SEMA4D: variants seen among roughly 807,000 people sequenced by gnomAD.
SEMA4D encodes semaphorin-4D.
SEMA4D carries 22 observed loss-of-function variants against 74.8 expected under a neutral mutation model. The ratio of observed to expected loss-of-function variants is 0.29; its 90% CI spans 0.21 to 0.42. The LOEUF (loss-of-function observed/expected upper bound fraction) is 0.42. Among genes scored for constraint, SEMA4D ranks in the 10% least tolerant of loss-of-function variants. The pLI is 1.00. For missense variants in SEMA4D, 937 were observed against 1,118.4 expected (o/e 0.84, Z 2.31); for synonymous variants, 445 against 463.7 (o/e 0.96, Z 0.52).
At chr9:89,369,969 GTA>G (rs1230320944) in intron 16 of SEMA4D, among the ~76,000 whole-genome samples, 1 of 151,844 alleles carries the variant, frequency 6.6e-6, no homozygotes, top group Non-Finnish European at 1.5e-5. Context: ...GGTGTGTGCA[GTA>G]TGTGTGGTGG....
chr9:89,396,632 A>T (rs1304050013), intron 6 of SEMA4D, 105 bp downstream of exon 6: 11 of 913,884 alleles, frequency 1.2e-5, no homozygotes, highest in Non-Finnish European at 1.8e-5. Context: ...AGAAAATCCT[A>T]TTTTTTTTTA....
intron 2 of SEMA4D, among the ~76,000 whole-genome samples, chr9:89,431,002 A>C (rs1295571857): frequency 6.6e-6 from 1 of 152,204 alleles, no homozygotes; most frequent in Non-Finnish European, 1.5e-5. Context: ...AAAAACAAAT[A>C]GGCACCCATC....
In SEMA4D at chr9:89,492,089, G is replaced by A. The variant is rs548273436; in HGVS notation, c.-310+5830C>T. 1.0e-3 allele frequency among the ~76,000 whole-genome samples: 159 copies of A among 152,166 alleles called. 1 individual carries two copies. Among genetic ancestry groups the A allele is most frequent in the African/African-American group, 3.6e-3 (148 of 41,496 alleles). ...CCTCCACTTCCCCACTGCCCTTCACGGCAGCAAAATTCTTGAAAAAGCAAT... is the reference window on the plus strand; with the variant it reads ...CCTCCACTTCCCCACTGCCCTTCACAGCAGCAAAATTCTTGAAAAAGCAAT... On this transcript the variant is annotated intron_variant, in intron 1 of 15. Coordinates refer to ENST00000422704, the MANE Select transcript of SEMA4D (RefSeq NM_001371194.2). This position sits in a 1 kb window ranked among gnomAD's most constrained non-coding sequence, Gnocchi z 4.3.
chr9:89,364,867 C>T (rs1305347512), intron 16 of SEMA4D: 1 of 149,896 alleles, frequency 6.7e-6, no homozygotes, highest in African/African-American at 2.5e-5. Context: ...TCTGCGCGGC[C>T]AACCCTGAGG....
In SEMA4D at chr9:89,379,526, G is replaced by T. The variant is rs1369617639; in HGVS notation, c.1767C>A (p.Phe589Leu). Reference sequence around the variant, plus strand: ...TCTCGGCCTTCAACACGCCATTCTGGAACTTCCAAAAGACCCGGGCCAGGT... The same window carrying T: ...TCTCGGCCTTCAACACGCCATTCTGTAACTTCCAAAAGACCCGGGCCAGGT... ...KSNLARVFWKFQNGVLKAESP... is the reference protein window; with the variant it reads ...KSNLARVFWKLQNGVLKAESP... The change falls in exon 16 of 16, where the codon TTC becomes TTA. Residue 589 changes from phenylalanine (F) to leucine (L), a missense_variant. Physicochemically the swap from Phe to Leu is conservative, Grantham distance 22. Transcript: ENST00000422704. The T allele has an allele frequency of 1.2e-6, 2 of 1,613,982 alleles. No homozygotes were observed. Among genetic ancestry groups the T allele is most frequent in the East Asian group, 4.5e-5 (2 of 44,900 alleles).
At chr9:89,373,764 T>C (rs1006320015), downstream of SEMA4D, among the ~76,000 whole-genome samples, 2 of 152,184 alleles carry the variant, frequency 1.3e-5, no homozygotes, top group Non-Finnish European at 2.9e-5. Context: ...GCCTGTGCCT[T>C]GAGTGCACTG....
intron 2 of SEMA4D, among the ~76,000 whole-genome samples, chr9:89,409,290 G>C (rs1228435017): frequency 6.6e-6 from 1 of 152,174 alleles, no homozygotes; most frequent in Non-Finnish European, 1.5e-5. Flanking sequence ...AGGGTTTTTA[G>C]GGCAGGGAAA....
chr9:89,431,885 G>A (rs1849344859), intron 2 of SEMA4D, among the ~76,000 whole-genome samples: 2 of 152,132 alleles, frequency 1.3e-5, no homozygotes, highest in Admixed American at 1.3e-4. Context: ...TCAAGGACAC[G>A]TTCCCAGCCC....
At chr9:89,481,663 G>C (rs1019251259) in intron 1 of SEMA4D, among the ~76,000 whole-genome samples, 3 of 152,250 alleles carry the variant, frequency 2.0e-5, no homozygotes, top group African/African-American at 7.2e-5. Flanking sequence ...GAAGACCCTG[G>C]GTGAGCTCAA....
chr9:89,454,576 G>A (rs1181777825), intron 2 of SEMA4D, among the ~76,000 whole-genome samples: 1 of 152,214 alleles, frequency 6.6e-6, no homozygotes, highest in East Asian at 1.9e-4. Context: ...AAACAAGCCG[G>A]AAACGAGAGA....
intron 1 of SEMA4D, among the ~76,000 whole-genome samples, chr9:89,465,606 C>T (rs1858483032): frequency 6.6e-5 from 10 of 152,164 alleles, no homozygotes. Flanking sequence ...ATATGATTAA[C>T]TTTATGTTAT....
chr9:89,447,672 A>G (rs1200757714), intron 2 of SEMA4D, among the ~76,000 whole-genome samples: 1 of 151,284 alleles, frequency 6.6e-6, no homozygotes, highest in Non-Finnish European at 1.5e-5. Flanking sequence ...ACACCCCCAC[A>G]ATGGCCCATT....
At position 89,377,314 on chromosome 9, in the gene SEMA4D, A is replaced by C; in HGVS notation, c.*1390T>G. On this transcript the variant is annotated 3_prime_UTR_variant, in exon 16 of 16. Transcript: ENST00000422704. ...AAGTAGAAAAATAAAAACAAGGTAAATCTTATAAAACACAAATGTTTACAC... is the reference window on the plus strand; with the variant it reads ...AAGTAGAAAAATAAAAACAAGGTAACTCTTATAAAACACAAATGTTTACAC... The C allele has an allele frequency of 1.2e-5, 5 of 413,366 alleles. No individual in the cohort carries two copies. Among genetic ancestry groups the C allele is most frequent in the East Asian group, 4.2e-5 (1 of 23,858 alleles). 25.6% of individuals were successfully genotyped at this position (413,366 alleles called of 1,614,324 possible).
At chr9:89,432,111 C>T (rs1849405793) in intron 2 of SEMA4D, among the ~76,000 whole-genome samples, 1 of 151,954 alleles carries the variant, frequency 6.6e-6, no homozygotes, top group African/African-American at 2.4e-5. Flanking sequence ...TCTGGGCCCA[C>T]CCTTACCAGC....
chr9:89,389,078 C>T (rs374839772), intron 9 of SEMA4D, 31 bp from the exon 10 acceptor site: 6 of 1,611,898 alleles, frequency 3.7e-6, no homozygotes, highest in Non-Finnish European at 2.5e-6. Context: ...CGTGGTGGGC[C>T]GAGAGTGGAT....
At chr9:89,467,392 A>G (rs1477108421) in intron 1 of SEMA4D, among the ~76,000 whole-genome samples, 1 of 151,246 alleles carries the variant, frequency 6.6e-6, no homozygotes, top group East Asian at 1.9e-4. Context: ...GACTAGGGCC[A>G]TCAGTTACAT....
At chr9:89,452,589 T>C (rs2135459808) in intron 2 of SEMA4D, among the ~76,000 whole-genome samples, 1 of 152,074 alleles carries the variant, frequency 6.6e-6, no homozygotes, top group East Asian at 1.9e-4. Flanking sequence ...GTGGCTGGGA[T>C]TACAGGCATG....
intron 1 of SEMA4D, among the ~76,000 whole-genome samples, chr9:89,496,639 T>C (rs1313861679): frequency 6.6e-6 from 1 of 152,202 alleles, no homozygotes; most frequent in Non-Finnish European, 1.5e-5. Flanking sequence ...CAAGACATGA[T>C]ATACGCAGAC....
chr9:89,405,337 G>C lies in SEMA4D; in HGVS notation c.106+14C>G, dbSNP rs1843117208. On this transcript the variant is annotated intron_variant, in intron 3 of 15. Coordinates refer to ENST00000422704, the MANE Select transcript of SEMA4D (RefSeq NM_001371194.2). Reference sequence around the variant, plus strand: ...TCCCAGGCCATCAGCACCCCTGCAGGTTTCGTCACTCACCTCTGTGCTCCC... The same window carrying C: ...TCCCAGGCCATCAGCACCCCTGCAGCTTTCGTCACTCACCTCTGTGCTCCC... 1 of 1,611,026 alleles carries C rather than the reference G, an allele frequency of 6.2e-7. No individual in the cohort carries two copies. The highest frequency in any genetic ancestry group is 8.5e-7 in the Non-Finnish European group (1 of 1,177,328).
Sources: gnomAD v4.1 joint callset for allele counts (sites outside exome capture counted in the v4.1 genomes callset) on GRCh38, gnomAD v4.1.1 for gene constraint, Gnocchi (gnomAD v3.1) non-coding constraint, MANE v1.5 for transcripts, NCBI Gene and HGNC (gene_info 2026-07-23, HGNC 2026-07-21) for gene names.